Variants in NAALADL2 observed in about 807,000 individuals in gnomAD.
NAALADL2 encodes N-acetylated alpha-linked acidic dipeptidase like 2, also known as inactive N-acetylated-alpha-linked acidic dipeptidase-like protein 2.
A neutral mutation model predicts 87.2 loss-of-function variants in NAALADL2; 76 were observed. The observed-to-expected ratio is 0.87, with a 90% CI of 0.72 to 1.05. The LOEUF (loss-of-function observed/expected upper bound fraction) is 1.05. Among genes scored for constraint, NAALADL2 ranks in the 50% least tolerant of loss-of-function variants. NAALADL2 has a pLI of 0.00. For missense variants in NAALADL2, 1,089 were observed against 945.8 expected, an observed-to-expected ratio of 1.15 and a Z score of -1.99; for synonymous variants, 354 against 331.0, an observed-to-expected ratio of 1.07 and a Z score of -0.75.
At chr3:175,256,271 T>C in intron 3 of NAALADL2, 140 bp from the exon 4 acceptor site, 1 of 686,048 alleles carries the variant, frequency 1.5e-6, no homozygotes, top group South Asian at 3.1e-5. Context: ...TTTATGGTAA[T>C]TGGGACAGGG....
intron 9 of NAALADL2, among the ~76,000 whole-genome samples, chr3:175,570,433 A>T (rs1251559314): frequency 6.6e-6 from 1 of 152,236 alleles, no homozygotes; most frequent in African/African-American, 2.4e-5. Flanking sequence ...ATTAACCATC[A>T]CACTGCCCTA....
intron 4 of NAALADL2, among the ~76,000 whole-genome samples, chr3:175,289,115 G>T (rs1270413999): frequency 7.0e-6 from 1 of 142,130 alleles, no homozygotes; most frequent in Non-Finnish European, 1.5e-5. Context: ...TATTAAATTT[G>T]TAATTTTTAT....
At chr3:175,411,481 T>C (rs1280629007) in intron 5 of NAALADL2, among the ~76,000 whole-genome samples, 3 of 54,786 alleles carry the variant, frequency 5.5e-5, no homozygotes, top group African/African-American at 2.0e-4. Context: ...GAGGAATTGT[T>C]ATGGGGGAAA....
intron 4 of NAALADL2, chr3:175,257,229 C>G (rs1750132136): frequency 6.7e-6 from 1 of 148,944 alleles, no homozygotes; most frequent in Non-Finnish European, 1.5e-5. Flanking sequence ...GTAGTTATGT[C>G]AGCAAAACTC....
chr3:175,311,827 A>AT (rs2110309377), intron 4 of NAALADL2, among the ~76,000 whole-genome samples: 1 of 152,154 alleles, frequency 6.6e-6, no homozygotes, highest in Non-Finnish European at 1.5e-5. Flanking sequence ...AACTTCAAGT[A>AT]TTTTTTTCCT....
At chr3:175,642,989 G>A (rs1329806670) in intron 11 of NAALADL2, among the ~76,000 whole-genome samples, 1 of 152,102 alleles carries the variant, frequency 6.6e-6, no homozygotes, top group Non-Finnish European at 1.5e-5. Flanking sequence ...ACAAGATAAT[G>A]CACATCTCTG....
intron 1 of NAALADL2, among the ~76,000 whole-genome samples, chr3:175,039,770 A>C (rs1046266347): frequency 1.4e-4 from 21 of 152,190 alleles, no homozygotes; most frequent in South Asian, 8.3e-4. Context: ...TTTAGTATAC[A>C]GTAGGAAAGC....
intron 2 of NAALADL2, among the ~76,000 whole-genome samples, chr3:175,201,989 A>G (rs1407568830): frequency 6.6e-6 from 1 of 152,064 alleles, no homozygotes; most frequent in Non-Finnish European, 1.5e-5. Flanking sequence ...TGTTTTAAGC[A>G]CTTTACAAAT....
chr3:175,648,566 G>A (rs1730333724), intron 11 of NAALADL2, among the ~76,000 whole-genome samples: 1 of 140,030 alleles, frequency 7.1e-6, no homozygotes. Context: ...TTTTGAATAT[G>A]TGCCAATGTC....
intron 1 of NAALADL2, among the ~76,000 whole-genome samples, chr3:174,996,993 G>GT (rs1747557336): frequency 9.9e-5 from 12 of 121,574 alleles, no homozygotes; most frequent in Non-Finnish European, 2.0e-4. Flanking sequence ...TATTCCAAGG[G>GT]GTGTGTGTGT....
chr3:174,838,602 C>G (rs1169476754), intron 3 of NAALADL2, among the ~76,000 whole-genome samples: 1 of 152,136 alleles, frequency 6.6e-6, no homozygotes, highest in Non-Finnish European at 1.5e-5. Flanking sequence ...ACTCTAAAGA[C>G]TACTCCGGAA....
At chr3:174,992,457 C>A (rs986520713) in intron 1 of NAALADL2, among the ~76,000 whole-genome samples, 1 of 151,974 alleles carries the variant, frequency 6.6e-6, no homozygotes, top group African/African-American at 2.4e-5. Flanking sequence ...TAGATAATAT[C>A]TATTATTAGG....
intron 5 of NAALADL2, among the ~76,000 whole-genome samples, chr3:175,405,452 G>A (rs1204894992): frequency 6.6e-6 from 1 of 152,006 alleles, no homozygotes; most frequent in Non-Finnish European, 1.5e-5. Flanking sequence ...ATGTTACTGA[G>A]ATGAACTTAA....
chr3:174,976,939 T>C (rs986809209), intron 1 of NAALADL2, among the ~76,000 whole-genome samples: 4 of 152,164 alleles, frequency 2.6e-5, no homozygotes, highest in East Asian at 1.9e-4. Flanking sequence ...TTCATCTAGT[T>C]CCCAGATGTG....
intron 2 of NAALADL2, among the ~76,000 whole-genome samples, chr3:174,736,936 T>G (rs2108998709): frequency 6.6e-6 from 1 of 152,286 alleles, no homozygotes; most frequent in East Asian, 1.9e-4. Context: ...AGCAGGGTGA[T>G]TGTGTGTCAG....
intron 1 of NAALADL2, among the ~76,000 whole-genome samples, chr3:174,539,218 T>G (rs2108460697): frequency 6.6e-6 from 1 of 152,292 alleles, no homozygotes; most frequent in East Asian, 1.9e-4. Context: ...AATATTTATT[T>G]AACTCTAGAA....
chr3:175,534,048 T>TATTTATTTATAATAAATAAATA (rs1734460644), intron 9 of NAALADL2, among the ~76,000 whole-genome samples: 1 of 150,302 alleles, frequency 6.7e-6, no homozygotes, highest in Non-Finnish European at 1.5e-5. Flanking sequence ...ATAAATAAAT[T>TATTTATTTATAATAAATAAATA]ATTTATTTAT....
At chr3:174,825,259 G>A (rs1721853945) in intron 3 of NAALADL2, among the ~76,000 whole-genome samples, 1 of 152,186 alleles carries the variant, frequency 6.6e-6, no homozygotes, top group Non-Finnish European at 1.5e-5. Context: ...CTTAAGGCCT[G>A]AGGGCCGGAG....
intron 1 of NAALADL2, among the ~76,000 whole-genome samples, chr3:174,503,700 A>G (rs1414995185): frequency 2.0e-5 from 3 of 152,160 alleles, no homozygotes. Flanking sequence ...TGCAATTTAG[A>G]ACAAAGGAAA....
Sources: gnomAD v4.1 joint callset for allele counts (sites outside exome capture counted in the v4.1 genomes callset) on GRCh38, gnomAD v4.1.1 for gene constraint, MANE v1.5 for transcripts, NCBI Gene and HGNC (gene_info 2026-07-23, HGNC 2026-07-21) for gene names.